Variants in RERE observed in about 807,000 individuals in gnomAD.
RERE encodes arginine-glutamic acid dipeptide repeats protein.
RERE carries 40 observed loss-of-function variants against 146.1 expected under a neutral mutation model. The observed-to-expected ratio is 0.27, with a 90% CI of 0.21 to 0.36. RERE has a LOEUF of 0.36. RERE is among the 10% of genes least tolerant of loss of function. The probability of loss-of-function intolerance (pLI) is 1.00; values close to 1 mark genes in which losing one functional copy is unlikely to be tolerated. For synonymous variants in RERE, 1,003 were observed against 866.0 expected (o/e 1.16, Z -2.78); for missense variants, 1,933 against 2,138.7 (o/e 0.90, Z 1.90).
intron 11 of RERE, among the ~76,000 whole-genome samples, chr1:8,457,338 T>C (rs1644463544): frequency 6.6e-6 from 1 of 152,184 alleles, no homozygotes; most frequent in Non-Finnish European, 1.5e-5. Context: ...TCCTGATAGC[T>C]CAGTACTTTG....
intron 12 of RERE, among the ~76,000 whole-genome samples, chr1:8,401,877 AT>A (rs974086776): frequency 7.8e-4 from 119 of 151,842 alleles, no homozygotes; most frequent in African/African-American, 2.8e-3. Context: ...ATTTTATTTT[AT>A]TTTTTTGAGA....
chr1:8,436,470 T>C (rs1048603180), intron 11 of RERE, among the ~76,000 whole-genome samples: 2 of 152,190 alleles, frequency 1.3e-5, no homozygotes, highest in African/African-American at 2.4e-5. Context: ...CATTAAAATG[T>C]TCACCTTTCC....
chr1:8,745,809 C>A (rs553955019), intron 1 of RERE, among the ~76,000 whole-genome samples: 23 of 152,302 alleles, frequency 1.5e-4, no homozygotes, highest in African/African-American at 5.5e-4. Flanking sequence ...GTGGCTCACA[C>A]CGGTAATACT....
chr1:8,594,479 A>G (rs1232090514), intron 4 of RERE, among the ~76,000 whole-genome samples: 1 of 152,240 alleles, frequency 6.6e-6, no homozygotes, highest in East Asian at 1.9e-4. Flanking sequence ...ACTGCATTTT[A>G]CAGTGGTAAC....
chr1:8,779,505 A>T (rs888452812), intron 1 of RERE, among the ~76,000 whole-genome samples: 1 of 152,084 alleles, frequency 6.6e-6, no homozygotes, highest in African/African-American at 2.4e-5. Flanking sequence ...TCTACTAAAA[A>T]TACAAAAATT....
At chr1:8,511,926 C>T (rs1487549439) in intron 7 of RERE, 2 of 150,258 alleles carry the variant, frequency 1.3e-5, no homozygotes, top group Admixed American at 6.6e-5. Context: ...CTGTGAACTG[C>T]TCCCTTCTTG....
intron 7 of RERE, among the ~76,000 whole-genome samples, chr1:8,537,579 T>C (rs899993267): frequency 1.3e-5 from 2 of 152,242 alleles, no homozygotes; most frequent in African/African-American, 2.4e-5. Flanking sequence ...TAAGAGAGTA[T>C]GGATCTATAT....
intron 7 of RERE, among the ~76,000 whole-genome samples, chr1:8,529,287 CTTT>C (rs34547801): frequency 0.54 from 55,498 of 101,922 alleles, 13,408 homozygotes; most frequent in East Asian, 0.77. Context: ...GTTCTCCCTT[CTTT>C]TTTTTTTTTT....
chr1:8,800,057 G>C (rs1641556745), intron 1 of RERE, among the ~76,000 whole-genome samples: 1 of 151,940 alleles, frequency 6.6e-6, no homozygotes. Context: ...CAGGTGATCT[G>C]CCTGCCTCGG....
chr1:8,816,521 C>A (rs1438872149), intron 1 of RERE, among the ~76,000 whole-genome samples: 3 of 152,184 alleles, frequency 2.0e-5, no homozygotes, highest in Admixed American at 1.3e-4. Flanking sequence ...GCCTGCAACA[C>A]TTTTCCCCCC....
In RERE at chr1:8,365,697, G is replaced by C. The variant is rs1244957655; in HGVS notation, c.1447+115C>G. The C allele has an allele frequency of 2.4e-5, 29 of 1,189,004 alleles. No homozygotes were observed. The East Asian group carries it at 6.7e-4, about 28-fold the overall frequency. The allele number at this position is 1,189,004 out of a possible 1,614,324, so 73.7% of individuals were successfully genotyped here. On this transcript the variant is annotated intron_variant, in intron 13 of 22. Transcript: ENST00000400908. The stretch of plus-strand genomic sequence containing the variant: ...GGCTTCACACATGCACTGGAGCACG[G>C]GTGCACACCCCCTCATGCTTCCCGG...
intron 4 of RERE, among the ~76,000 whole-genome samples, chr1:8,569,777 A>G (rs931694705): frequency 1.9e-4 from 29 of 152,160 alleles, no homozygotes; most frequent in Admixed American, 1.8e-3. Flanking sequence ...TTGTAGTCCC[A>G]GTTATTCTGG....
chr1:8,686,359 T>C (rs1393592788), intron 1 of RERE, among the ~76,000 whole-genome samples: 2 of 152,198 alleles, frequency 1.3e-5, no homozygotes, highest in Non-Finnish European at 2.9e-5. Flanking sequence ...CAGACACCTA[T>C]TATGTGCTGG....
chr1:8,786,516 T>A (rs1018178398), intron 1 of RERE: 1 of 795,304 alleles, frequency 1.3e-6, no homozygotes, highest in Admixed American at 1.7e-5. Context: ...GGTTCCCCCA[T>A]GTAATATATG....
At chr1:8,402,937 T>A (rs2124443628) in intron 12 of RERE, among the ~76,000 whole-genome samples, 1 of 152,210 alleles carries the variant, frequency 6.6e-6, no homozygotes, top group East Asian at 1.9e-4. Context: ...CTCGCTCTGT[T>A]TCCCAGGCTG....
rs1172332658 is a variant in RERE, at chr1:8,356,837, C to T, written c.4340-591G>A. 1.3e-5 allele frequency among the ~76,000 whole-genome samples: 2 copies of T among 152,166 alleles called. No homozygotes were observed. Among genetic ancestry groups the T allele is most frequent in the East Asian group, 3.9e-4 (2 of 5,192 alleles). ...TGCCCTCACCTCCTATCTCCCAGCT[C>T]CAGCCAACACAGGCGCTGGCAGGGA... On this transcript the variant is annotated intron_variant, in intron 20 of 22. Coordinates refer to ENST00000400908, the MANE Select transcript of RERE (RefSeq NM_001042681.2). This position sits in a 1 kb window ranked among gnomAD's most constrained non-coding sequence, Gnocchi z 5.2.
intron 2 of RERE, among the ~76,000 whole-genome samples, chr1:8,648,393 G>A (rs973034658): frequency 3.9e-5 from 6 of 151,950 alleles, no homozygotes; most frequent in African/African-American, 9.7e-5. Flanking sequence ...CACCAAGCCC[G>A]GCTAACTTTT....
chr1:8,769,329 T>C (rs1165134603), intron 1 of RERE, among the ~76,000 whole-genome samples: 1 of 152,156 alleles, frequency 6.6e-6, no homozygotes. Flanking sequence ...ATCCACAGTA[T>C]TCCATCAAAA....
intron 12 of RERE, among the ~76,000 whole-genome samples, chr1:8,415,166 T>C (rs1469308677): frequency 6.6e-6 from 1 of 152,208 alleles, no homozygotes; most frequent in East Asian, 1.9e-4. Context: ...AAAAAGAATC[T>C]ATGATATAAA....
Sources: gnomAD v4.1 joint callset for allele counts (sites outside exome capture counted in the v4.1 genomes callset) on GRCh38, gnomAD v4.1.1 for gene constraint, Gnocchi (gnomAD v3.1) non-coding constraint, MANE v1.5 for transcripts, NCBI Gene and HGNC (gene_info 2026-07-23, HGNC 2026-07-21) for gene names.